PRKN: variants seen among roughly 807,000 people sequenced by gnomAD.
PRKN encodes the protein parkin RBR E3 ubiquitin protein ligase, also known as E3 ubiquitin-protein ligase parkin.
PRKN carries 56 observed loss-of-function variants against 59.5 expected under a neutral mutation model. The ratio of observed to expected loss-of-function variants is 0.94; its 90% CI spans 0.76 to 1.18. The LOEUF is 1.18. PRKN is among the 50% of genes most tolerant of loss of function. PRKN has a pLI of 0.00. For synonymous variants in PRKN, 250 were observed against 222.1 expected (o/e 1.13, Z -1.12); for missense variants, 657 against 596.4 (o/e 1.10, Z -1.06).
At chr6:161,922,718 A>G (rs1778829952) in intron 6 of PRKN, among the ~76,000 whole-genome samples, 3 of 152,228 alleles carry the variant, frequency 2.0e-5, no homozygotes, top group Admixed American at 2.0e-4. Flanking sequence ...CTGTAATGAG[A>G]TCTGAATTCT....
intron 5 of PRKN, among the ~76,000 whole-genome samples, chr6:162,040,069 G>A (rs1310676560): frequency 6.6e-6 from 1 of 152,158 alleles, no homozygotes; most frequent in Admixed American, 6.5e-5. Context: ...CTGGGAGGTG[G>A]AATTGTCTGA....
intron 6 of PRKN, among the ~76,000 whole-genome samples, chr6:161,821,182 A>AC (rs1175258781): frequency 6.6e-6 from 1 of 151,920 alleles, no homozygotes; most frequent in Non-Finnish European, 1.5e-5. Flanking sequence ...ATTACCAAAA[A>AC]CCCCCAAACA....
chr6:162,418,769 C>A (rs1265011024), intron 2 of PRKN, among the ~76,000 whole-genome samples: 1 of 151,662 alleles, frequency 6.6e-6, no homozygotes. Flanking sequence ...GGAATCCAAG[C>A]ACACCCAGGG....
intron 1 of PRKN, among the ~76,000 whole-genome samples, chr6:162,455,270 C>T (rs1790813968): frequency 6.6e-6 from 1 of 151,968 alleles, no homozygotes; most frequent in South Asian, 2.1e-4. Context: ...TCCACATAGC[C>T]AGCCATCCAC....
intron 7 of PRKN, among the ~76,000 whole-genome samples, chr6:161,596,021 A>C (rs995653332): frequency 6.6e-6 from 1 of 152,170 alleles, no homozygotes; most frequent in Non-Finnish European, 1.5e-5. Context: ...TGAAAGATCC[A>C]CACAGAAGGA....
chr6:161,673,434 G>C (rs369728635), intron 7 of PRKN, among the ~76,000 whole-genome samples: 7 of 152,292 alleles, frequency 4.6e-5, no homozygotes, highest in African/African-American at 1.7e-4. Context: ...ACCCTGACGG[G>C]AAGCAGATTG....
At chr6:162,168,642 A>G (rs1783107625) in intron 4 of PRKN, among the ~76,000 whole-genome samples, 1 of 151,924 alleles carries the variant, frequency 6.6e-6, no homozygotes, top group Non-Finnish European at 1.5e-5. Flanking sequence ...TGTGTCAACA[A>G]TAGTGAGATT....
intron 9 of PRKN, among the ~76,000 whole-genome samples, chr6:161,494,535 CA>C (rs1185928002): frequency 1.3e-5 from 2 of 152,130 alleles, no homozygotes; most frequent in African/African-American, 4.8e-5. Flanking sequence ...CAAAACTATC[CA>C]AAGATTTCAA....
intron 1 of PRKN, among the ~76,000 whole-genome samples, chr6:162,533,322 G>C (rs144275552): frequency 5.6e-4 from 85 of 152,254 alleles, no homozygotes; most frequent in African/African-American, 2.0e-3. Flanking sequence ...TCAGGAGTTC[G>C]AGACCAGCAT....
chr6:161,686,228 T>C (rs573146312), intron 7 of PRKN, among the ~76,000 whole-genome samples: 1 of 152,308 alleles, frequency 6.6e-6, no homozygotes, highest in African/African-American at 2.4e-5. Context: ...CTTTCAGCCA[T>C]GGTTCTCCAT....
rs1252388075 is a variant in PRKN, at chr6:161,734,618, A to C, written c.871+51154T>G. Among the ~76,000 whole-genome samples, 7 of 152,356 alleles carry C rather than the reference A, an allele frequency of 4.6e-5. No individual in the cohort carries two copies. In the East Asian group the frequency reaches 1.2e-3, roughly 25 times the overall value. ...GCGGCAATAGAAAATGAATACAGTG[A>C]CTAATTTCCCTAAACATTTAGAGGA... is the stretch of plus-strand genomic sequence containing the variant. On this transcript the variant is annotated intron_variant, in intron 7 of 11. Transcript: ENST00000366898.
In PRKN at chr6:161,386,941, T is replaced by C; in HGVS notation, c.1084-64A>G. ...GTTGCATTTGGCAATAACACATTTT[T>C]CCTTTTCCAAATTCATTATATTCAT... On this transcript the variant is annotated intron_variant, in intron 9 of 11. Coordinates refer to ENST00000366898, the MANE Select transcript of PRKN (RefSeq NM_004562.3). This position sits in a 1 kb window ranked among gnomAD's most constrained non-coding sequence, Gnocchi z 4.3. The C allele has an allele frequency of 1.5e-6, 2 of 1,318,214 alleles. No individual in the cohort carries two copies. Among genetic ancestry groups the C allele is most frequent in the East Asian group, 4.6e-5 (2 of 43,520 alleles). The allele number at this position is 1,318,214 out of a possible 1,614,324, so 81.7% of individuals were successfully genotyped here. A position where few individuals can be genotyped will look rare whatever the true frequency, so the allele number is the denominator to read the frequency against.
intron 9 of PRKN, among the ~76,000 whole-genome samples, chr6:161,431,989 G>C (rs1788668638): frequency 6.6e-6 from 1 of 152,162 alleles, no homozygotes; most frequent in African/African-American, 2.4e-5. Flanking sequence ...CATGAATAAA[G>C]TTATTTCTCT....
chr6:161,519,061 C>A (rs1233953611), intron 9 of PRKN, among the ~76,000 whole-genome samples: 1 of 152,138 alleles, frequency 6.6e-6, no homozygotes, highest in Non-Finnish European at 1.5e-5. Flanking sequence ...CACCCAGAGA[C>A]AATAAGCCCT....
intron 5 of PRKN, among the ~76,000 whole-genome samples, chr6:162,002,347 C>A (rs1005905815): frequency 3.3e-5 from 5 of 152,024 alleles, no homozygotes; most frequent in Non-Finnish European, 4.4e-5. Flanking sequence ...AGGTACCATT[C>A]TTTTCAGACT....
chr6:161,570,134 AAAAAAAAAAAAAAT>A (rs1464421753), intron 7 of PRKN, among the ~76,000 whole-genome samples: 1 of 132,688 alleles, frequency 7.5e-6, no homozygotes, highest in African/African-American at 3.1e-5. Context: ...TAAAAAAAAA[AAAAAAAAAAAAAAT>A]ATATATATAT....
At chr6:161,783,973 T>C (rs970991787) in intron 7 of PRKN, among the ~76,000 whole-genome samples, 3 of 152,328 alleles carry the variant, frequency 2.0e-5, no homozygotes, top group African/African-American at 7.2e-5. Context: ...TCAGCTATAA[T>C]TGACATTAAA....
At position 161,445,581 on chromosome 6, in the gene PRKN, G is replaced by A. The variant is rs1164007200; in HGVS notation, c.1084-58704C>T. ...TGGCTGCCATCCCAGCGTCTGACAG[G>A]GCAGCAGGAGAAAGAGGCCACCTGT... On this transcript the variant is annotated intron_variant, in intron 9 of 11. Coordinates refer to ENST00000366898, the MANE Select transcript of PRKN (RefSeq NM_004562.3). The surrounding 1 kb of genome is among the most constrained non-coding windows in gnomAD (Gnocchi z 7.7). 6.6e-6 allele frequency among the ~76,000 whole-genome samples: 1 copy of A among 152,212 alleles called. No homozygotes were observed. The highest frequency in any genetic ancestry group is 1.9e-4 in the East Asian group (1 of 5,188).
chr6:162,394,179 C>T (rs890223572), intron 2 of PRKN, among the ~76,000 whole-genome samples: 6 of 152,210 alleles, frequency 3.9e-5, no homozygotes, highest in South Asian at 2.1e-4. Flanking sequence ...TCAAAAATCT[C>T]GCTTTCATGT....
Sources: allele counts gnomAD v4.1 joint callset (sites outside exome capture counted in the v4.1 genomes callset), GRCh38; gene constraint gnomAD v4.1.1; non-coding constraint Gnocchi (gnomAD v3.1); transcripts MANE v1.5; gene names NCBI Gene and HGNC (gene_info 2026-07-23, HGNC 2026-07-21).